RBFOX1: variants seen among roughly 807,000 people sequenced by gnomAD.
RBFOX1 encodes the protein RNA binding fox-1 homolog 1.
A neutral mutation model predicts 57.7 loss-of-function variants in RBFOX1; 8 were observed. The observed-to-expected ratio is 0.14, with a 90% CI of 0.08 to 0.25. The LOEUF (loss-of-function observed/expected upper bound fraction) is 0.25, where lower values mean the gene tolerates loss of function less well. Ranked by LOEUF, RBFOX1 falls within the 10% of genes least tolerant of loss-of-function variation. The pLI is 1.00. For synonymous variants in RBFOX1, 326 were observed against 222.4 expected (o/e 1.47, Z -4.15); for missense variants, 611 against 548.5 (o/e 1.11, Z -1.14).
intron 3 of RBFOX1, among the ~76,000 whole-genome samples, chr16:6,707,479 T>TTTTTG (rs1555714671): frequency 2.1e-4 from 6 of 29,248 alleles, no homozygotes; most frequent in East Asian, 0.011. Context: ...CCCATTTTTG[T>TTTTTG]TTTTTTTTTT....
intron 1 of RBFOX1, among the ~76,000 whole-genome samples, chr16:5,339,611 G>GTCCT (rs1192049660): frequency 6.6e-6 from 1 of 150,648 alleles, no homozygotes; most frequent in African/African-American, 2.4e-5. Flanking sequence ...CCTTCCTGAG[G>GTCCT]AGGATTACAG....
At chr16:6,942,210 A>G (rs879415856) in intron 3 of RBFOX1, among the ~76,000 whole-genome samples, 11 of 152,246 alleles carry the variant, frequency 7.2e-5, no homozygotes, top group Admixed American at 7.2e-4. Context: ...CTGTGCTCCA[A>G]CCTGGGTGAC....
chr16:7,159,296 A>G (rs1197128247), intron 4 of RBFOX1, among the ~76,000 whole-genome samples: 2 of 152,126 alleles, frequency 1.3e-5, no homozygotes, highest in Admixed American at 1.3e-4. Context: ...AGAGGGTGCC[A>G]TTGTCACTGC....
intron 4 of RBFOX1, among the ~76,000 whole-genome samples, chr16:7,499,430 C>T (rs2069877095): frequency 6.6e-6 from 1 of 152,138 alleles, no homozygotes. Context: ...GATTAGGTTA[C>T]ATTCTGAGAT....
chr16:7,285,402 G>GTGTGTGTT, intron 4 of RBFOX1, among the ~76,000 whole-genome samples: 1 of 151,810 alleles, frequency 6.6e-6, no homozygotes, highest in Non-Finnish European at 1.5e-5. Context: ...GTGTGTGTGT[G>GTGTGTGTT]TGTTTGCAGT....
chr16:6,933,529 A>C (rs922756466), intron 3 of RBFOX1, among the ~76,000 whole-genome samples: 3 of 152,220 alleles, frequency 2.0e-5, no homozygotes, highest in Non-Finnish European at 2.9e-5. Context: ...CCTGACCAGC[A>C]TGGTGAAATC....
chr16:6,257,737 C>G (rs1365739872), intron 1 of RBFOX1, among the ~76,000 whole-genome samples: 1 of 152,086 alleles, frequency 6.6e-6, no homozygotes, highest in African/African-American at 2.4e-5. Context: ...TTCCATGTTC[C>G]TGAAAAGGAC....
intron 3 of RBFOX1, among the ~76,000 whole-genome samples, chr16:6,913,143 T>G (rs1315300901): frequency 2.0e-5 from 3 of 152,104 alleles, no homozygotes; most frequent in South Asian, 2.1e-4. Context: ...AAGACACGTT[T>G]TTTTGTTTTG....
intron 2 of RBFOX1, among the ~76,000 whole-genome samples, chr16:6,571,337 C>T (rs1286847617): frequency 6.6e-6 from 1 of 152,154 alleles, no homozygotes; most frequent in Non-Finnish European, 1.5e-5. Flanking sequence ...TGACGGTGGG[C>T]ATCCTTCCAG....
rs559088010 is a variant in RBFOX1, at chr16:6,035,338, C to T, written c.-127+15346C>T. 2.1e-4 allele frequency among the ~76,000 whole-genome samples: 32 copies of T among 152,326 alleles called. 1 individual carries two copies. The South Asian group carries it at 6.2e-3, about 30-fold the overall frequency. ...CAAGGGACACTCATTTAGTTCTTCC[C>T]CAAGGATGGAGCAGATGGGCTGCCC... On this transcript the variant is annotated intron_variant, in intron 1 of 15. Transcript: ENST00000550418.
intron 3 of RBFOX1, among the ~76,000 whole-genome samples, chr16:6,929,231 C>G (rs144482211): frequency 7.2e-5 from 11 of 152,108 alleles, no homozygotes; most frequent in Admixed American, 4.6e-4. Flanking sequence ...GGATCCTACC[C>G]TTTATGACAG....
intron 11 of RBFOX1, among the ~76,000 whole-genome samples, chr16:7,633,940 C>T (rs768408145): frequency 5.9e-5 from 9 of 152,146 alleles, no homozygotes; most frequent in Non-Finnish European, 1.3e-4. Context: ...AAAACCATTC[C>T]CCATTTCCTG....
At chr16:7,564,234 G>A (rs1477762410) in intron 5 of RBFOX1, among the ~76,000 whole-genome samples, 1 of 152,082 alleles carries the variant, frequency 6.6e-6, no homozygotes, top group Non-Finnish European at 1.5e-5. Context: ...TCTTCCATCT[G>A]AGAACACAGA....
chr16:7,650,243 C>A (rs1367120537), intron 11 of RBFOX1, among the ~76,000 whole-genome samples: 1 of 152,070 alleles, frequency 6.6e-6, no homozygotes, highest in African/African-American at 2.4e-5. Flanking sequence ...TACCAACCAC[C>A]CAGGACACTT....
chr16:7,710,578 A>G (rs2083862908), intron 15 of RBFOX1, 45 bp from the exon 16 acceptor site: 2 of 1,607,716 alleles, frequency 1.2e-6, no homozygotes, highest in East Asian at 2.2e-5. Context: ...ACATGTTGCA[A>G]AAGGAAAATG....
intron 2 of RBFOX1, among the ~76,000 whole-genome samples, chr16:6,439,512 C>A (rs983654818): frequency 6.6e-6 from 1 of 152,308 alleles, no homozygotes; most frequent in South Asian, 2.1e-4. Flanking sequence ...CTGCCCCTTT[C>A]CTCATGCCTC....
chr16:7,273,399 G>A (rs1164755184), intron 4 of RBFOX1, among the ~76,000 whole-genome samples: 1 of 151,970 alleles, frequency 6.6e-6, no homozygotes, highest in Non-Finnish European at 1.5e-5. Flanking sequence ...CTGGATAATG[G>A]CTTGGTGCCT....
intron 3 of RBFOX1, among the ~76,000 whole-genome samples, chr16:6,875,553 C>T (rs1050529051): frequency 6.6e-6 from 1 of 152,200 alleles, no homozygotes; most frequent in Admixed American, 6.5e-5. Context: ...ATGTCTGAAG[C>T]AAGGCCGTGG....
chr16:6,846,185 T>A (rs1333338748), intron 3 of RBFOX1, among the ~76,000 whole-genome samples: 2 of 152,214 alleles, frequency 1.3e-5, no homozygotes, highest in African/African-American at 4.8e-5. Context: ...CAATAAATAT[T>A]TGTTGAAGAC....
Sources: gnomAD v4.1 joint callset for allele counts (sites outside exome capture counted in the v4.1 genomes callset) on GRCh38, gnomAD v4.1.1 for gene constraint, MANE v1.5 for transcripts, NCBI Gene and HGNC (gene_info 2026-07-23, HGNC 2026-07-21) for gene names.